Variants in KCNIP4 observed in about 807,000 individuals in gnomAD.
KCNIP4 encodes potassium voltage-gated channel interacting protein 4.
In KCNIP4, 12 loss-of-function variants were observed where a neutral mutation model predicts 34.0. That is an observed-to-expected ratio of 0.35 (90% CI 0.23 to 0.57). The LOEUF (loss-of-function observed/expected upper bound fraction) is 0.57, where lower values mean the gene tolerates loss of function less well. Among genes scored for constraint, KCNIP4 ranks in the 20% least tolerant of loss-of-function variants. The probability of loss-of-function intolerance (pLI) is 0.83; values close to 1 mark genes in which losing one functional copy is unlikely to be tolerated. For missense variants in KCNIP4, 238 were observed against 311.7 expected, an observed-to-expected ratio of 0.76 and a Z score of 1.78; for synonymous variants, 124 against 102.2, an observed-to-expected ratio of 1.21 and a Z score of -1.29.
chr4:20,976,348 A>T (rs2149684623), intron 1 of KCNIP4, among the ~76,000 whole-genome samples: 1 of 152,318 alleles, frequency 6.6e-6, no homozygotes, highest in East Asian at 1.9e-4. Flanking sequence ...CAAACTCAAG[A>T]AACTGGAACA....
chr4:21,005,401 G>A (rs943473011), intron 1 of KCNIP4, among the ~76,000 whole-genome samples: 7 of 152,004 alleles, frequency 4.6e-5, no homozygotes, highest in African/African-American at 1.5e-4. Flanking sequence ...GTAATCATTG[G>A]GGCCTTCTCA....
intron 1 of KCNIP4, among the ~76,000 whole-genome samples, chr4:21,139,576 C>T (rs1012425776): frequency 6.6e-6 from 1 of 152,184 alleles, no homozygotes; most frequent in African/African-American, 2.4e-5. Flanking sequence ...TGATCACACC[C>T]TTCCCAGCCC....
At chr4:21,919,446 A>G (rs377344665) in intron 1 of KCNIP4, among the ~76,000 whole-genome samples, 7 of 152,182 alleles carry the variant, frequency 4.6e-5, no homozygotes, top group Non-Finnish European at 7.3e-5. Context: ...TGTTAAATAT[A>G]TATTTGGGAA....
At chr4:21,501,393 C>T (rs948127536) in intron 1 of KCNIP4, among the ~76,000 whole-genome samples, 5 of 151,778 alleles carry the variant, frequency 3.3e-5, no homozygotes, top group African/African-American at 1.2e-4. Context: ...ACAGTACTAC[C>T]CTCTTACCTT....
chr4:21,497,701 C>T (rs1203672358), intron 1 of KCNIP4, among the ~76,000 whole-genome samples: 2 of 152,074 alleles, frequency 1.3e-5, no homozygotes. Context: ...AAAACGGATG[C>T]CATATCCTTC....
intron 1 of KCNIP4, among the ~76,000 whole-genome samples, chr4:20,919,444 C>T (rs1729169988): frequency 6.6e-6 from 1 of 151,496 alleles, no homozygotes; most frequent in Admixed American, 6.6e-5. Context: ...TGGCTCATGC[C>T]TGTAATCCCA....
intron 1 of KCNIP4, among the ~76,000 whole-genome samples, chr4:21,276,969 G>A (rs759173772): frequency 7.9e-5 from 12 of 152,158 alleles, no homozygotes; most frequent in Non-Finnish European, 7.3e-5. Flanking sequence ...TTGAGACTAT[G>A]GATGATAAGT....
At chr4:21,124,255 G>T (rs1030211624) in intron 1 of KCNIP4, among the ~76,000 whole-genome samples, 7 of 152,222 alleles carry the variant, frequency 4.6e-5, no homozygotes, top group African/African-American at 1.7e-4. Context: ...AAAGAAAAAG[G>T]CAAATCATGT....
At chr4:21,465,578 A>G (rs761654903) in intron 1 of KCNIP4, among the ~76,000 whole-genome samples, 7 of 152,182 alleles carry the variant, frequency 4.6e-5, no homozygotes, top group Non-Finnish European at 1.0e-4. Flanking sequence ...ATCTGAATAC[A>G]TACATATCTG....
chr4:21,643,870 T>TAGATAGATA (rs1553915310), intron 1 of KCNIP4, among the ~76,000 whole-genome samples: 215 of 107,782 alleles, frequency 2.0e-3, no homozygotes, highest in African/African-American at 2.5e-3. Context: ...ATGATGATGA[T>TAGATAGATA]GATAGATAGA....
rs568492467 is a variant in KCNIP4, at chr4:20,920,693, A to T, written c.62-37984T>A. ...AATGACAATGATCCACTTGCATTTTAAAAAAGATAAGCTTGGGGCCGGGCA... is the reference window on the plus strand; with the variant it reads ...AATGACAATGATCCACTTGCATTTTTAAAAAGATAAGCTTGGGGCCGGGCA... On this transcript the variant is annotated intron_variant, in intron 1 of 8. Transcript: ENST00000382152. 2.7e-3 allele frequency among the ~76,000 whole-genome samples: 405 copies of T among 152,286 alleles called. 2 individuals are homozygous for T. Among genetic ancestry groups the T allele is most frequent in the African/African-American group, 9.2e-3 (384 of 41,560 alleles).
intron 1 of KCNIP4, among the ~76,000 whole-genome samples, chr4:21,226,326 G>A (rs1214614922): frequency 1.5e-5 from 2 of 131,026 alleles, no homozygotes; most frequent in Non-Finnish European, 3.0e-5. Context: ...AGAAAGGGAA[G>A]GGAAGGAAGG....
intron 1 of KCNIP4, among the ~76,000 whole-genome samples, chr4:21,127,910 CA>C (rs1457606475): frequency 6.6e-6 from 1 of 152,144 alleles, no homozygotes; most frequent in East Asian, 1.9e-4. Flanking sequence ...GCTTTGGAGC[CA>C]AAAAGTTCAT....
At chr4:21,243,788 T>C (rs1302013705) in intron 1 of KCNIP4, among the ~76,000 whole-genome samples, 1 of 152,174 alleles carries the variant, frequency 6.6e-6, no homozygotes, top group Non-Finnish European at 1.5e-5. Flanking sequence ...TACTGATGAT[T>C]ACAAAACCAA....
intron 1 of KCNIP4, among the ~76,000 whole-genome samples, chr4:21,842,813 C>G (rs1723768217): frequency 6.6e-6 from 1 of 152,026 alleles, no homozygotes; most frequent in Non-Finnish European, 1.5e-5. Flanking sequence ...AGTAAAACAG[C>G]TTGAATTTTC....
intron 6 of KCNIP4, among the ~76,000 whole-genome samples, 171 bp from the exon 7 acceptor site, chr4:20,732,956 C>T (rs568688420): frequency 6.6e-6 from 1 of 152,284 alleles, no homozygotes; most frequent in South Asian, 2.1e-4. Context: ...AAACAGCTTT[C>T]TGCCTTAAGA....
At chr4:21,923,478 G>A (rs1487680661) in intron 1 of KCNIP4, among the ~76,000 whole-genome samples, 1 of 152,168 alleles carries the variant, frequency 6.6e-6, no homozygotes, top group East Asian at 1.9e-4. Context: ...CTACTTTGGA[G>A]GCTGAGGCAG....
At chr4:20,749,342 G>A (rs900879797) in intron 5 of KCNIP4, among the ~76,000 whole-genome samples, 14 of 152,028 alleles carry the variant, frequency 9.2e-5, no homozygotes, top group Non-Finnish European at 1.9e-4. Context: ...GTATTTCCAA[G>A]GTCTACCACA....
chr4:21,058,285 A>T (rs535843514), intron 1 of KCNIP4, among the ~76,000 whole-genome samples: 1 of 152,218 alleles, frequency 6.6e-6, no homozygotes, highest in East Asian at 1.9e-4. Context: ...AAAAGAAGAG[A>T]TGCAGTAGAA....
Sources: gnomAD v4.1 joint callset for allele counts (sites outside exome capture counted in the v4.1 genomes callset) on GRCh38, gnomAD v4.1.1 for gene constraint, MANE v1.5 for transcripts, NCBI Gene and HGNC (gene_info 2026-07-23, HGNC 2026-07-21) for gene names.